PBX3: variants seen among roughly 807,000 people sequenced by gnomAD.
The protein encoded by PBX3 is pre-B-cell leukemia transcription factor 3.
In PBX3, 14 loss-of-function variants were observed where a neutral mutation model predicts 48.5. That is an observed-to-expected ratio of 0.29 (90% confidence interval 0.19 to 0.45). The LOEUF is 0.45. PBX3 is among the 20% of genes least tolerant of loss of function. PBX3 has a pLI of 1.00. For missense variants in PBX3, 386 were observed against 546.7 expected (o/e 0.71, Z 2.93); for synonymous variants, 210 against 200.3 (o/e 1.05, Z -0.41).
chr9:125,762,325 A>G (rs1836690996), intron 2 of PBX3, among the ~76,000 whole-genome samples: 1 of 152,042 alleles, frequency 6.6e-6, no homozygotes, highest in Non-Finnish European at 1.5e-5. Flanking sequence ...TAGTCCACCC[A>G]CTATGTGTAT....
chr9:125,802,184 A>C (rs1168437716), intron 2 of PBX3, among the ~76,000 whole-genome samples: 1 of 152,044 alleles, frequency 6.6e-6, no homozygotes, highest in Non-Finnish European at 1.5e-5. Flanking sequence ...ATATTGCGTG[A>C]TGCTGAGGTT....
intron 2 of PBX3, among the ~76,000 whole-genome samples, chr9:125,908,042 G>A (rs1841117054): frequency 6.6e-6 from 1 of 152,120 alleles, no homozygotes; most frequent in Non-Finnish European, 1.5e-5. Context: ...AGGATTTTTA[G>A]GCTAAGTAAT....
chr9:125,880,476 A>G (rs1588253736), intron 2 of PBX3, among the ~76,000 whole-genome samples: 1 of 152,352 alleles, frequency 6.6e-6, no homozygotes, highest in East Asian at 1.9e-4. Context: ...TTCAATATTA[A>G]TTATCTGACT....
chr9:125,793,364 A>G (rs547406181), intron 2 of PBX3, among the ~76,000 whole-genome samples: 4 of 59,128 alleles, frequency 6.8e-5, no homozygotes, highest in Non-Finnish European at 1.4e-4. Context: ...GGGGAAAAAA[A>G]AAATATATAT....
chr9:125,829,864 T>C (rs2132186689), intron 2 of PBX3, among the ~76,000 whole-genome samples: 1 of 152,316 alleles, frequency 6.6e-6, no homozygotes, highest in East Asian at 1.9e-4. Flanking sequence ...CTTACCGACA[T>C]CTGGAACCAG....
At chr9:125,907,585 G>T (rs999147258) in intron 2 of PBX3, among the ~76,000 whole-genome samples, 2 of 151,934 alleles carry the variant, frequency 1.3e-5, no homozygotes, top group Non-Finnish European at 2.9e-5. Flanking sequence ...TCTTGAGTTC[G>T]TGGTATCCCT....
At chr9:125,874,087 T>A (rs1840191022) in intron 2 of PBX3, among the ~76,000 whole-genome samples, 1 of 152,184 alleles carries the variant, frequency 6.6e-6, no homozygotes, top group South Asian at 2.1e-4. Context: ...TCAATACATT[T>A]GACATCTTAG....
chr9:125,828,589 T>C (rs957813612), intron 2 of PBX3, among the ~76,000 whole-genome samples: 2 of 152,176 alleles, frequency 1.3e-5, no homozygotes, highest in African/African-American at 2.4e-5. Context: ...TTGGTCAGTT[T>C]TTTAAACTAC....
At chr9:125,748,205 A>C (rs1836257319) in intron 1 of PBX3, 2 of 1,005,864 alleles carry the variant, frequency 2.0e-6, no homozygotes, top group East Asian at 2.0e-4. Flanking sequence ...CCTCCTCTGC[A>C]CAGGAGCGGA....
At chr9:125,805,011 T>A (rs1336553955) in intron 2 of PBX3, among the ~76,000 whole-genome samples, 3 of 147,378 alleles carry the variant, frequency 2.0e-5, no homozygotes, top group African/African-American at 7.4e-5. Context: ...CTCATTGAGC[T>A]TTTATATTTT....
chr9:125,880,694 T>TA (rs1473032105), intron 2 of PBX3, among the ~76,000 whole-genome samples: 1 of 152,228 alleles, frequency 6.6e-6, no homozygotes, highest in Non-Finnish European at 1.5e-5. Flanking sequence ...TCTTTTGCTG[T>TA]AATTTGTGGT....
chr9:125,883,833 A>G (rs531367821), intron 2 of PBX3, among the ~76,000 whole-genome samples: 1 of 152,338 alleles, frequency 6.6e-6, no homozygotes, highest in East Asian at 1.9e-4. Context: ...TCCACAGGAA[A>G]ACATGCTTTG....
chr9:125,929,514 C>G lies in PBX3; in HGVS notation c.517-141C>G, dbSNP rs962569434. On this transcript the variant is annotated intron_variant, in intron 3 of 8. Coordinates refer to ENST00000373489, the MANE Select transcript of PBX3 (RefSeq NM_006195.6). ...CTTAACTACTATTACTACCATTTTA[C>G]AAGTGTCTTAGTTTTCATTTTACCC... 12 of 557,220 alleles carry G rather than the reference C, an allele frequency of 2.2e-5. No individual in the cohort carries two copies. In the African/African-American group the frequency reaches 2.3e-4, roughly 11 times the overall value. 34.5% of individuals were successfully genotyped at this position (557,220 alleles called of 1,614,324 possible).
intron 2 of PBX3, among the ~76,000 whole-genome samples, chr9:125,778,643 A>G (rs1247001241): frequency 6.8e-6 from 1 of 146,184 alleles, no homozygotes; most frequent in Non-Finnish European, 1.5e-5. Flanking sequence ...TCTTTAATAA[A>G]TTGTCCTAAA....
At chr9:125,774,667 T>C (rs921462189) in intron 2 of PBX3, among the ~76,000 whole-genome samples, 20 of 152,306 alleles carry the variant, frequency 1.3e-4, no homozygotes, top group African/African-American at 4.6e-4. Context: ...TTGGGTTTTT[T>C]TTTTTACTTT....
intron 3 of PBX3, among the ~76,000 whole-genome samples, chr9:125,921,056 ATTTC>A (rs142048973): frequency 0.012 from 1,849 of 152,276 alleles, 16 homozygotes; most frequent in Non-Finnish European, 0.018. Flanking sequence ...CCATTTTGCT[ATTTC>A]TTCTTAATGG....
intron 2 of PBX3, among the ~76,000 whole-genome samples, chr9:125,809,640 C>G (rs1375873804): frequency 6.6e-6 from 1 of 151,906 alleles, no homozygotes; most frequent in African/African-American, 2.4e-5. Context: ...TATCTGTGAC[C>G]TCAGGGTGGG....
At chr9:125,809,090 C>A (rs887925822) in intron 2 of PBX3, among the ~76,000 whole-genome samples, 1 of 152,158 alleles carries the variant, frequency 6.6e-6, no homozygotes, top group African/African-American at 2.4e-5. Context: ...TTACAAAAAA[C>A]CTGGTACTAA....
chr9:125,768,386 A>G (rs1273918237), intron 2 of PBX3, among the ~76,000 whole-genome samples: 1 of 152,218 alleles, frequency 6.6e-6, no homozygotes, highest in African/African-American at 2.4e-5. Flanking sequence ...CTCCTAAAAT[A>G]AGTTTTGTTT....
Sources: allele counts gnomAD v4.1 joint callset (sites outside exome capture counted in the v4.1 genomes callset), GRCh38; gene constraint gnomAD v4.1.1; transcripts MANE v1.5; gene names NCBI Gene and HGNC (gene_info 2026-07-23, HGNC 2026-07-21).